Variants in ZCCHC7 observed in about 807,000 individuals in gnomAD.
The protein encoded by ZCCHC7 is zinc finger CCHC-type containing 7.
Under a neutral mutation model 52.0 loss-of-function variants are expected in ZCCHC7, and 35 were observed. That is an observed-to-expected ratio of 0.67 (90% CI 0.51 to 0.89). The LOEUF (loss-of-function observed/expected upper bound fraction) is 0.89. Ranked by LOEUF, ZCCHC7 falls within the 40% of genes least tolerant of loss-of-function variation. The pLI is 0.00. For missense variants in ZCCHC7, 574 were observed against 649.1 expected (o/e 0.88, Z 1.26); for synonymous variants, 217 against 221.5 (o/e 0.98, Z 0.18).
intron 2 of ZCCHC7, among the ~76,000 whole-genome samples, chr9:37,133,916 G>C (rs1342441156): frequency 6.6e-6 from 1 of 152,112 alleles, no homozygotes; most frequent in Non-Finnish European, 1.5e-5. Flanking sequence ...TAGAGTTGGG[G>C]TTTCAGCATG....
intron 2 of ZCCHC7, among the ~76,000 whole-genome samples, chr9:37,222,289 CAT>C (rs1824856281): frequency 6.8e-6 from 1 of 146,606 alleles, no homozygotes; most frequent in Admixed American, 6.9e-5. Flanking sequence ...GTTAAGATAA[CAT>C]AGAACAGGCC....
chr9:37,251,883 C>T (rs1034363986), intron 2 of ZCCHC7, among the ~76,000 whole-genome samples: 2 of 152,074 alleles, frequency 1.3e-5, no homozygotes, highest in Non-Finnish European at 2.9e-5. Flanking sequence ...GTATTGGGTC[C>T]CTTGGCATCT....
rs139360863 is a variant in ZCCHC7 at position 37,185,119 on chromosome 9, G to A, written c.610+58177G>A. 1.6e-3 allele frequency among the ~76,000 whole-genome samples: 244 copies of A among 152,212 alleles called. 1 individual carries two copies. The highest frequency in any genetic ancestry group is 5.6e-3 in the African/African-American group (234 of 41,514). The stretch of plus-strand genomic sequence containing the variant: ...ATTATTTTATTTGCTTACACTTCAG[G>A]AGGCAATTGGCAGACACCAGGCCAA... On this transcript the variant is annotated intron_variant, in intron 2 of 8. Transcript: ENST00000336755.
intron 2 of ZCCHC7, among the ~76,000 whole-genome samples, chr9:37,148,186 A>G (rs1006264824): frequency 1.3e-5 from 2 of 152,140 alleles, no homozygotes; most frequent in African/African-American, 4.8e-5. Context: ...AAAAATATAT[A>G]TTTGATATGT....
At chr9:37,228,607 G>A (rs922130706) in intron 2 of ZCCHC7, among the ~76,000 whole-genome samples, 7 of 151,952 alleles carry the variant, frequency 4.6e-5, no homozygotes, top group African/African-American at 1.5e-4. Context: ...AAACTCAAGT[G>A]ATCCTCCTGC....
At chr9:37,218,172 A>G (rs1824611239) in intron 2 of ZCCHC7, among the ~76,000 whole-genome samples, 1 of 152,122 alleles carries the variant, frequency 6.6e-6, no homozygotes, top group South Asian at 2.1e-4. Flanking sequence ...CAGTTCTGGA[A>G]TTTTGTTTTG....
chr9:37,152,053 C>T (rs771071646), intron 2 of ZCCHC7, among the ~76,000 whole-genome samples: 1 of 152,036 alleles, frequency 6.6e-6, no homozygotes, highest in African/African-American at 2.4e-5. Context: ...ACCTGGGCTT[C>T]AGTAAGGGCA....
At chr9:37,344,000 T>C (rs182226590) in intron 6 of ZCCHC7, among the ~76,000 whole-genome samples, 2 of 152,304 alleles carry the variant, frequency 1.3e-5, no homozygotes, top group Non-Finnish European at 2.9e-5. Context: ...TGGTGATTAT[T>C]ATTATTTTAG....
At chr9:37,128,654 T>C (rs1486773074) in intron 2 of ZCCHC7, among the ~76,000 whole-genome samples, 2 of 152,264 alleles carry the variant, frequency 1.3e-5, no homozygotes, top group East Asian at 3.8e-4. Context: ...TTAAGGTAAC[T>C]AATTCTGCAG....
chr9:37,186,569 A>G (rs552354233), intron 2 of ZCCHC7: 1 of 389,382 alleles, frequency 2.6e-6, no homozygotes, highest in South Asian at 6.1e-5. Flanking sequence ...TTACAAACAC[A>G]TCAAGGACAG....
At chr9:37,273,396 A>G (rs1001642435) in intron 2 of ZCCHC7, among the ~76,000 whole-genome samples, 3 of 152,128 alleles carry the variant, frequency 2.0e-5, no homozygotes, top group African/African-American at 7.2e-5. Flanking sequence ...CCAGCTACTC[A>G]GGAGGCCGAG....
chr9:37,267,422 C>T (rs1262613908), intron 2 of ZCCHC7, among the ~76,000 whole-genome samples: 1 of 152,014 alleles, frequency 6.6e-6, no homozygotes, highest in African/African-American at 2.4e-5. Flanking sequence ...GGGAGAAGAA[C>T]AGGGCCTTGC....
chr9:37,336,108 A>G (rs1830637557), intron 6 of ZCCHC7, among the ~76,000 whole-genome samples: 1 of 152,180 alleles, frequency 6.6e-6, no homozygotes. Context: ...ACAAAATAGC[A>G]TAGCAGTTTT....
chr9:37,136,954 G>A (rs1289394912), intron 2 of ZCCHC7, among the ~76,000 whole-genome samples: 1 of 152,058 alleles, frequency 6.6e-6, no homozygotes, highest in Non-Finnish European at 1.5e-5. Flanking sequence ...CATGTCTCTA[G>A]TATGGTGCTA....
chr9:37,346,857 G>A (rs953018747), intron 6 of ZCCHC7, among the ~76,000 whole-genome samples: 1 of 152,020 alleles, frequency 6.6e-6, no homozygotes, highest in East Asian at 1.9e-4. Flanking sequence ...GTAGCCAGGC[G>A]TAGTGGTGCA....
intron 2 of ZCCHC7, among the ~76,000 whole-genome samples, chr9:37,190,307 A>G (rs1334388993): frequency 2.0e-5 from 3 of 152,004 alleles, no homozygotes; most frequent in Non-Finnish European, 2.9e-5. Flanking sequence ...TGCCTAGGGA[A>G]TTTTCTTCAT....
rs117863765 is a variant in ZCCHC7, at chr9:37,180,700, T to C, written c.610+53758T>C. ...GATAAATTGCAAACTCTTATTTTAGTTGTAATGGGTTTTGGCCACATTGTG... is the reference window on the plus strand; with the variant it reads ...GATAAATTGCAAACTCTTATTTTAGCTGTAATGGGTTTTGGCCACATTGTG... On this transcript the variant is annotated intron_variant, in intron 2 of 8. Coordinates refer to ENST00000336755, the MANE Select transcript of ZCCHC7 (RefSeq NM_032226.3). 5.5e-4 allele frequency among the ~76,000 whole-genome samples: 84 copies of C among 152,304 alleles called. No homozygotes were observed. The East Asian group carries it at 0.015, about 28-fold the overall frequency.
At position 37,267,816 on chromosome 9, in the gene ZCCHC7, G is replaced by A. The variant is rs186804040; in HGVS notation, c.611-34372G>A. 5.6e-4 allele frequency among the ~76,000 whole-genome samples: 85 copies of A among 152,044 alleles called. No individual in the cohort carries two copies. The South Asian group carries it at 0.016, about 28-fold the overall frequency. On this transcript the variant is annotated intron_variant, in intron 2 of 8. Transcript: ENST00000336755. The stretch of plus-strand genomic sequence containing the variant: ...GATCTCCTGACCTTGTGATCCACCC[G>A]CCTCGGCCTCCCAGAGTGCTGAGAT...
chr9:37,219,631 T>G (rs1225147072), intron 2 of ZCCHC7, among the ~76,000 whole-genome samples: 1 of 152,238 alleles, frequency 6.6e-6, no homozygotes, highest in Non-Finnish European at 1.5e-5. Flanking sequence ...AAAATAAATA[T>G]TGAATAGGAA....
Sources: allele counts gnomAD v4.1 joint callset (sites outside exome capture counted in the v4.1 genomes callset), GRCh38; gene constraint gnomAD v4.1.1; transcripts MANE v1.5; gene names NCBI Gene and HGNC (gene_info 2026-07-23, HGNC 2026-07-21).